Variants in GTSE1 observed in about 807,000 individuals in gnomAD.
GTSE1 encodes G2 and S-phase expressed 1.
GTSE1 carries 52 observed loss-of-function variants against 60.5 expected under a neutral mutation model. The ratio of observed to expected loss-of-function variants is 0.86; its 90% CI spans 0.69 to 1.08. The LOEUF (loss-of-function observed/expected upper bound fraction) is 1.08, where lower values mean the gene tolerates loss of function less well. Among genes scored for constraint, GTSE1 ranks in the 50% least tolerant of loss-of-function variants. The pLI is 0.00. For synonymous variants in GTSE1, 368 were observed against 386.5 expected, an observed-to-expected ratio of 0.95 and a Z score of 0.56; for missense variants, 937 against 961.8, an observed-to-expected ratio of 0.97 and a Z score of 0.34.
Position 46,328,766 on chromosome 22 carries a change from T to C in GTSE1, c.1803T>C (p.Pro601=), listed in dbSNP as rs532198491. The change falls in exon 10 of 12, where the codon CCT becomes CCC. Residue 601 remains proline, a synonymous_variant. Transcript: ENST00000454366. ...VDVSPDRGSP[P]SRVPQALNFS... ...TGTCCCCTGACAGGGGTTCTCCTCC[T>C]TCCCGTGTGCCTCAGGCACTTAACT... 6.2e-7 allele frequency: 1 copy of C among 1,613,626 alleles called. No individual in the cohort carries two copies. The highest frequency in any genetic ancestry group is 1.7e-5 in the Admixed American group (1 of 60,036).
In GTSE1 at chr22:46,304,386, G is replaced by A. The variant is rs1051245434; in HGVS notation, c.80-3764G>A. ...TGTCTTTAGAAGGAATACTTCTGAC[G>A]TTATCCCACTGAACCTAATGCTGGC... On this transcript the variant is annotated intron_variant, in intron 2 of 11. Transcript: ENST00000454366. The surrounding 1 kb of genome is among the most constrained non-coding windows in gnomAD (Gnocchi z 4.4). Among the ~76,000 whole-genome samples the A allele has an allele frequency of 1.3e-5, 2 of 152,142 alleles. No homozygotes were observed. Among genetic ancestry groups the A allele is most frequent in the Admixed American group, 1.3e-4 (2 of 15,272 alleles).
chr22:46,328,116 G>A (rs1223248124), intron 9 of GTSE1, among the ~76,000 whole-genome samples: 4 of 152,252 alleles, frequency 2.6e-5, no homozygotes, highest in African/African-American at 9.6e-5. Context: ...AAGGAATTCA[G>A]TTTTGCGTGG....
intron 8 of GTSE1, among the ~76,000 whole-genome samples, 197 bp from the exon 9 acceptor site, chr22:46,326,239 A>G (rs1400223986): frequency 6.6e-6 from 1 of 152,288 alleles, no homozygotes; most frequent in Non-Finnish European, 1.5e-5. Flanking sequence ...AGCCCACGCC[A>G]GGATGGGTTG....
rs1264635395 is a variant in GTSE1, at chr22:46,297,082, C to G, written c.-22+151C>G. On this transcript the variant is annotated intron_variant, in intron 1 of 11. Coordinates refer to ENST00000454366, the MANE Select transcript of GTSE1 (RefSeq NM_016426.7). This position sits in a 1 kb window ranked among gnomAD's most constrained non-coding sequence, Gnocchi z 4.9. Reference sequence around the variant, plus strand: ...TCACTGAGGCCCCTCGCGCCGTGGTCGGGGATGCCGGGAGGTCTAGGGCTG... The same window carrying G: ...TCACTGAGGCCCCTCGCGCCGTGGTGGGGGATGCCGGGAGGTCTAGGGCTG... Among the ~76,000 whole-genome samples, 1 of 152,170 alleles carries G rather than the reference C, an allele frequency of 6.6e-6. No homozygotes were observed. The highest frequency in any genetic ancestry group is 1.5e-5 in the Non-Finnish European group (1 of 68,022).
chr22:46,301,450 C>G, intron 2 of GTSE1, among the ~76,000 whole-genome samples: 1 of 151,218 alleles, frequency 6.6e-6, no homozygotes, highest in East Asian at 1.9e-4. Flanking sequence ...GTCATATAGG[C>G]GAAAACTGCA....
intron 2 of GTSE1, among the ~76,000 whole-genome samples, chr22:46,303,401 C>T (rs1417692000): frequency 6.6e-6 from 1 of 152,138 alleles, no homozygotes; most frequent in African/African-American, 2.4e-5. Flanking sequence ...ATGATTTTGT[C>T]CTTAGCCATG....
intron 6 of GTSE1, among the ~76,000 whole-genome samples, chr22:46,315,480 C>T (rs1190725489): frequency 1.4e-5 from 2 of 143,630 alleles, no homozygotes; most frequent in African/African-American, 5.8e-5. Flanking sequence ...AGGCGTGAGC[C>T]ACCACTCCTG....
rs947411749 is a variant in GTSE1 at position 46,296,883 on chromosome 22, G to C, written c.-70G>C. 6.4e-6 allele frequency: 1 copy of C among 155,352 alleles called. No homozygotes were observed. The highest frequency in any genetic ancestry group is 2.4e-5 in the African/African-American group (1 of 41,496). The allele number at this position is 155,352 out of a possible 1,614,324, so 9.6% of individuals were successfully genotyped here. A position where few individuals can be genotyped will look rare whatever the true frequency, so the allele number is the denominator to read the frequency against. On this transcript the variant is annotated 5_prime_UTR_variant, in exon 1 of 12. Transcript: ENST00000454366. ...TCGGCAACCCGCGTCTCCCGGCGCC[G>C]CGTTTAAATCCGTGCCGGAGGCGCG...
Position 46,304,090 on chromosome 22 carries a change from C to T in GTSE1, c.80-4060C>T, listed in dbSNP as rs12168291. 0.022 allele frequency among the ~76,000 whole-genome samples: 3,328 copies of T among 152,190 alleles called. 118 individuals carry two copies. Among genetic ancestry groups the T allele is most frequent in the African/African-American group, 0.076 (3,175 of 41,512 alleles). On this transcript the variant is annotated intron_variant, in intron 2 of 11. Coordinates refer to ENST00000454366, the MANE Select transcript of GTSE1 (RefSeq NM_016426.7). The surrounding 1 kb of genome is among the most constrained non-coding windows in gnomAD (Gnocchi z 4.4). The stretch of plus-strand genomic sequence containing the variant: ...TGGCTTGATCATAGCTCACTGCAGC[C>T]GCAAGCTCCTGGGCTCAGCATCCTG...
Position 46,329,687 on chromosome 22 carries a change from C to T in GTSE1, c.2136+120C>T, listed in dbSNP as rs1411177709. 3.8e-6 allele frequency: 3 copies of T among 779,500 alleles called. No individual in the cohort carries two copies. Among genetic ancestry groups the T allele is most frequent in the Non-Finnish European group, 6.7e-6 (3 of 449,906 alleles). The allele number at this position is 779,500 out of a possible 1,614,324, so 48.3% of individuals were successfully genotyped here. A position where few individuals can be genotyped will look rare whatever the true frequency, so the allele number is the denominator to read the frequency against. On this transcript the variant is annotated intron_variant, in intron 11 of 11. Coordinates refer to ENST00000454366, the MANE Select transcript of GTSE1 (RefSeq NM_016426.7). The surrounding 1 kb of genome is among the most constrained non-coding windows in gnomAD (Gnocchi z 6.4). ...AGTGGCTGTTGAGTCTTCTCAGCTA[C>T]ACACCTCAGGGCAGGATGCACCTTT...
chr22:46,318,104 CAGTG>C lies in GTSE1; in HGVS notation c.1432+1695_1432+1698del, dbSNP rs2077791650. Among the ~76,000 whole-genome samples the C allele has an allele frequency of 6.6e-6, 1 of 152,246 alleles. No homozygotes were observed. The highest frequency in any genetic ancestry group is 6.5e-5 in the Admixed American group (1 of 15,290). On this transcript the variant is annotated intron_variant, in intron 7 of 11. Coordinates refer to ENST00000454366, the MANE Select transcript of GTSE1 (RefSeq NM_016426.7). The surrounding 1 kb of genome is among the most constrained non-coding windows in gnomAD (Gnocchi z 4.8). ...AGCTCCAGCCACTGCCTTCTCCAGT[CAGTG>C]AGGCCACTGGCCCCAGCAGGTGTCT...
chr22:46,303,479 A>G (rs1357800630), intron 2 of GTSE1, among the ~76,000 whole-genome samples: 1 of 152,106 alleles, frequency 6.6e-6, no homozygotes, highest in Non-Finnish European at 1.5e-5. Context: ...TCGTGTCTAT[A>G]ATCATGGCAT....
intron 9 of GTSE1, 21 bp from the exon 10 acceptor site, chr22:46,328,667 A>G: frequency 6.3e-7 from 1 of 1,581,488 alleles, no homozygotes; most frequent in Non-Finnish European, 8.7e-7. Context: ...ATTTTCTCAT[A>G]AGTTTTTTTC....
chr22:46,321,273 G>A lies in GTSE1; in HGVS notation c.1433-1917G>A, dbSNP rs1296498522. Among the ~76,000 whole-genome samples the A allele has an allele frequency of 6.6e-6, 1 of 152,180 alleles. No homozygotes were observed. Among genetic ancestry groups the A allele is most frequent in the East Asian group, 1.9e-4 (1 of 5,192 alleles). On this transcript the variant is annotated intron_variant, in intron 7 of 11. Coordinates refer to ENST00000454366, the MANE Select transcript of GTSE1 (RefSeq NM_016426.7). This position sits in a 1 kb window ranked among gnomAD's most constrained non-coding sequence, Gnocchi z 4.0. ...AAAACATTTAGCTGGGCATGGTGCT[G>A]GGCACCTGTAGTCCCAGCTACTTGG...
In GTSE1 at chr22:46,328,770, C is replaced by T. The variant is rs780385402; in HGVS notation, c.1807C>T (p.Arg603Cys). 2.4e-5 allele frequency: 38 copies of T among 1,613,256 alleles called. No homozygotes were observed. The highest frequency in any genetic ancestry group is 1.6e-4 in the Middle Eastern group (1 of 6,082). The change falls in exon 10 of 12, where the codon CGT becomes TGT. Residue 603 changes from arginine (R) to cysteine (C), a missense_variant. Physicochemically the swap from Arg to Cys is radical, Grantham distance 180 (BLOSUM62 -3). Transcript: ENST00000454366. Reference sequence around the variant, plus strand: ...CCCTGACAGGGGTTCTCCTCCTTCCCGTGTGCCTCAGGCACTTAACTTTTC... The same window carrying T: ...CCCTGACAGGGGTTCTCCTCCTTCCTGTGTGCCTCAGGCACTTAACTTTTC... The part of the protein sequence containing the change: ...VSPDRGSPPS[R>C]VPQALNFSPE...
At position 46,323,278 on chromosome 22, in the gene GTSE1, C is replaced by G. The variant is rs2077824792; in HGVS notation, c.1505+16C>G. ...CAGTTGGCAGGTGAGTGACGTTGGT[C>G]CGCTTCCTCTCTTTATTGCTGTAGA... On this transcript the variant is annotated intron_variant, in intron 8 of 11. Coordinates refer to ENST00000454366, the MANE Select transcript of GTSE1 (RefSeq NM_016426.7). The G allele has an allele frequency of 6.3e-7, 1 of 1,590,496 alleles. No homozygotes were observed. The highest frequency in any genetic ancestry group is 8.6e-7 in the Non-Finnish European group (1 of 1,158,760).
At position 46,319,146 on chromosome 22, in the gene GTSE1, G is replaced by A. The variant is rs1230199059; in HGVS notation, c.1432+2734G>A. On this transcript the variant is annotated intron_variant, in intron 7 of 11. Transcript: ENST00000454366. The surrounding 1 kb of genome is among the most constrained non-coding windows in gnomAD (Gnocchi z 5.0). ...CAACCTCAGCCAGTCAGTGACCGAG[G>A]GGCAGGGTAAGAAGAGATGAAGATG... Among the ~76,000 whole-genome samples, 4 of 152,218 alleles carry A rather than the reference G, an allele frequency of 2.6e-5. No individual in the cohort carries two copies. Among genetic ancestry groups the A allele is most frequent in the Non-Finnish European group, 5.9e-5 (4 of 68,038 alleles).
chr22:46,306,536 A>G (rs965677378), intron 2 of GTSE1, among the ~76,000 whole-genome samples: 16 of 151,926 alleles, frequency 1.1e-4, no homozygotes, highest in African/African-American at 3.4e-4. Context: ...GCTGGAGTGC[A>G]GTGGCGCAAT....
intron 5 of GTSE1, 141 bp downstream of exon 5, chr22:46,312,446 C>A: frequency 1.3e-6 from 1 of 751,030 alleles, no homozygotes. Context: ...TCAAGACCAG[C>A]CTGAGCAACA....
Sources: allele counts gnomAD v4.1 joint callset (sites outside exome capture counted in the v4.1 genomes callset), GRCh38; gene constraint gnomAD v4.1.1; non-coding constraint Gnocchi (gnomAD v3.1); transcripts MANE v1.5; gene names NCBI Gene and HGNC (gene_info 2026-07-23, HGNC 2026-07-21).